PURG: variants seen among roughly 807,000 people sequenced by gnomAD.
PURG encodes purine-rich element-binding protein gamma.
Under a neutral mutation model 24.3 loss-of-function variants are expected in PURG, and 3 were observed. That is an observed-to-expected ratio of 0.12 (90% CI 0.06 to 0.32). The LOEUF (loss-of-function observed/expected upper bound fraction) is 0.32. PURG is among the 10% of genes least tolerant of loss of function. The pLI, the probability that PURG is intolerant of heterozygous loss-of-function variation, is 1.00. For missense variants in PURG, 371 were observed against 439.1 expected (o/e 0.84, Z 1.39); for synonymous variants, 180 against 173.1 (o/e 1.04, Z -0.31).
intron 1 of PURG, among the ~76,000 whole-genome samples, chr8:31,006,110 G>A (rs981935553): frequency 6.6e-6 from 1 of 152,140 alleles, no homozygotes; most frequent in African/African-American, 2.4e-5. Context: ...TCGTTCATCA[G>A]CTTTAAAGAG....
intron 1 of PURG, among the ~76,000 whole-genome samples, chr8:31,009,549 G>A (rs1810726345): frequency 6.6e-6 from 1 of 152,232 alleles, no homozygotes. Flanking sequence ...AACTGGGAAT[G>A]TCAGGGAGCG....
downstream of PURG, among the ~76,000 whole-genome samples, chr8:31,025,980 A>G (rs559865746): frequency 1.3e-5 from 2 of 151,980 alleles, no homozygotes; most frequent in South Asian, 4.2e-4. Context: ...TGCTTTAAAC[A>G]ATCGGGTCTA....
At chr8:31,025,082 G>C (rs1342198117) in intron 1 of PURG, among the ~76,000 whole-genome samples, 1 of 151,906 alleles carries the variant, frequency 6.6e-6, no homozygotes, top group Admixed American at 6.6e-5. Context: ...CTTCACTATA[G>C]CAGCACTAAT....
At chr8:31,008,007 G>A (rs1294095336) in intron 1 of PURG, among the ~76,000 whole-genome samples, 1 of 152,066 alleles carries the variant, frequency 6.6e-6, no homozygotes, top group Non-Finnish European at 1.5e-5. Context: ...CTTATAGTTA[G>A]TGCTTTTTGT....
chr8:31,029,307 C>T (rs773376218), downstream of PURG, among the ~76,000 whole-genome samples: 11 of 151,686 alleles, frequency 7.3e-5, no homozygotes, highest in Non-Finnish European at 1.6e-4. Context: ...ATTTAATCTG[C>T]AGCTTTGAGA....
At chr8:31,019,311 A>G (rs1236033878) in intron 1 of PURG, among the ~76,000 whole-genome samples, 1 of 143,894 alleles carries the variant, frequency 6.9e-6, no homozygotes, top group African/African-American at 2.6e-5. Flanking sequence ...ATGAGTGTTC[A>G]GGTGAAACAC....
downstream of PURG, among the ~76,000 whole-genome samples, chr8:31,027,273 T>TTA (rs1306347708): frequency 2.0e-5 from 3 of 151,748 alleles, no homozygotes; most frequent in Non-Finnish European, 4.4e-5. Flanking sequence ...TGTTTGGTGT[T>TTA]TTAGTAAAGA....
intron 1 of PURG, among the ~76,000 whole-genome samples, chr8:31,012,504 A>G (rs1810781507): frequency 6.6e-6 from 1 of 152,240 alleles, no homozygotes; most frequent in African/African-American, 2.4e-5. Flanking sequence ...CCATGCCAAG[A>G]AGGAAAGGAT....
At chr8:31,013,165 T>C (rs924681455) in intron 1 of PURG, among the ~76,000 whole-genome samples, 9 of 152,194 alleles carry the variant, frequency 5.9e-5, no homozygotes, top group African/African-American at 2.2e-4. Context: ...TGGTATGTCA[T>C]TAAATATAAT....
rs1810658274 is a variant in PURG at position 31,006,683 on chromosome 8, T to C, written c.865-9986A>G. On this transcript the variant is annotated intron_variant, in intron 1 of 1. Coordinates refer to the PURG transcript ENST00000339382. The stretch of plus-strand genomic sequence containing the variant: ...AGACATCTAAAACATGTAATTTTAC[T>C]ATTCATTATCATCTCCACCTTAGGT... 4.6e-5 allele frequency among the ~76,000 whole-genome samples: 7 copies of C among 152,234 alleles called. No homozygotes were observed. The South Asian group carries it at 1.4e-3, about 32-fold the overall frequency.
intron 1 of PURG, among the ~76,000 whole-genome samples, chr8:31,001,479 T>C (rs1810534565): frequency 6.6e-6 from 1 of 152,238 alleles, no homozygotes; most frequent in Non-Finnish European, 1.5e-5. Context: ...AATGATCTCA[T>C]GTAGCTTCTC....
At position 31,031,820 on chromosome 8, in the gene PURG, C is replaced by T; in HGVS notation, c.963G>A (p.Met321Ile). 6.4e-7 allele frequency: 1 copy of T among 1,568,234 alleles called. No individual in the cohort carries two copies. The highest frequency in any genetic ancestry group is 8.7e-7 in the Non-Finnish European group (1 of 1,155,386). Residue 321 changes from methionine (M) to isoleucine (I), a missense_variant, in exon 2 of 2, where the codon ATG becomes ATA. Coordinates refer to ENST00000523392, the MANE Select transcript of PURG (RefSeq NM_001323311.2). ...GENFIKYEEE[M>I]RKICNSHKEK... ...CTTTATGGCTGTTGCAAATTTTCCT[C>T]ATCTCTTCTTCATACTTGATAAAAT...
chr8:31,026,143 C>A (rs1488793675), downstream of PURG, among the ~76,000 whole-genome samples: 1 of 151,866 alleles, frequency 6.6e-6, no homozygotes, highest in Non-Finnish European at 1.5e-5. Flanking sequence ...CTTATAAGGG[C>A]AAGGTCTTTG....
chr8:31,009,671 T>C lies in PURG; in HGVS notation c.865-12974A>G, dbSNP rs566589176. Reference sequence around the variant, plus strand: ...ATTTTCTGCTTTAATAAATACAACATAATAAATGTGATTAAATTTTGCATG... The same window carrying C: ...ATTTTCTGCTTTAATAAATACAACACAATAAATGTGATTAAATTTTGCATG... On this transcript the variant is annotated intron_variant, in intron 1 of 1. Coordinates refer to the PURG transcript ENST00000339382. Among the ~76,000 whole-genome samples the C allele has an allele frequency of 1.3e-4, 20 of 152,284 alleles. No homozygotes were observed. In the South Asian group the frequency reaches 3.9e-3, roughly 30 times the overall value.
At chr8:31,005,646 T>G (rs1487687130) in intron 1 of PURG, among the ~76,000 whole-genome samples, 1 of 152,096 alleles carries the variant, frequency 6.6e-6, no homozygotes, top group Non-Finnish European at 1.5e-5. Flanking sequence ...CAAATCTGAC[T>G]GAATGACATG....
downstream of PURG, among the ~76,000 whole-genome samples, chr8:31,028,461 G>C (rs924304137): frequency 6.6e-6 from 1 of 151,792 alleles, no homozygotes; most frequent in African/African-American, 2.4e-5. Flanking sequence ...TTAAATTAGT[G>C]AACTGACAGA....
chr8:31,032,266 T>C lies in PURG; in HGVS notation c.517A>G (p.Thr173Ala). 6.2e-7 allele frequency: 1 copy of C among 1,613,990 alleles called. No homozygotes were observed. Among genetic ancestry groups the C allele is most frequent in the Admixed American group, 1.7e-5 (1 of 60,024 alleles). ...CTATTGTCCCTCTCGATATAGTCTG[T>C]TTTCAGGACACTGTGAGGATGCTCT... Reference protein sequence around the residue: ...SEEHPHSVLKTDYIERDNRKY... With the variant: ...SEEHPHSVLKADYIERDNRKY... The change falls in exon 2 of 2, where the codon ACA becomes GCA. Residue 173 changes from threonine to alanine, a missense_variant. Physicochemically the swap from Thr to Ala is moderately conservative, Grantham distance 58. Transcript: ENST00000523392. The surrounding 1 kb of genome is among the most constrained non-coding windows in gnomAD (Gnocchi z 5.9).
exon 2 of PURG, chr8:30,995,975 C>T (rs1810420692): frequency 6.6e-6 from 1 of 151,956 alleles, no homozygotes; most frequent in South Asian, 2.1e-4. Context: ...GGAGAATTAG[C>T]ACCACAGAAT....
intron 1 of PURG, among the ~76,000 whole-genome samples, chr8:31,020,664 T>G (rs1311028370): frequency 6.6e-6 from 1 of 152,174 alleles, no homozygotes; most frequent in East Asian, 1.9e-4. Context: ...CTGGTCAACT[T>G]ATTAAAAAGT....
Sources: allele counts gnomAD v4.1 joint callset (sites outside exome capture counted in the v4.1 genomes callset), GRCh38; gene constraint gnomAD v4.1.1; non-coding constraint Gnocchi (gnomAD v3.1); transcripts MANE v1.5; gene names NCBI Gene and HGNC (gene_info 2026-07-23, HGNC 2026-07-21).